EGFLAM: variants seen among roughly 807,000 people sequenced by gnomAD.
EGFLAM encodes the protein EGF like, fibronectin type III and laminin G domains, also known as pikachurin.
In EGFLAM, 79 loss-of-function variants were observed where a neutral mutation model predicts 113.1. The ratio of observed to expected loss-of-function variants is 0.70; its 90% CI spans 0.58 to 0.84. The LOEUF (loss-of-function observed/expected upper bound fraction) is 0.84, where lower values mean the gene tolerates loss of function less well. EGFLAM is among the 40% of genes least tolerant of loss of function. EGFLAM has a pLI of 0.00. For missense variants in EGFLAM, 1,265 were observed against 1,291.6 expected, an observed-to-expected ratio of 0.98 and a Z score of 0.32; for synonymous variants, 504 against 487.6, an observed-to-expected ratio of 1.03 and a Z score of -0.44.
chr5:38,423,251 G>A (rs2112179287), intron 12 of EGFLAM, among the ~76,000 whole-genome samples: 1 of 152,222 alleles, frequency 6.6e-6, no homozygotes, highest in Middle Eastern at 3.4e-3. Context: ...TTCCTTGGAT[G>A]TCTGATCCTT....
rs373441112 is a variant in EGFLAM, at chr5:38,337,640, G to A, written c.207+11G>A. ...ATCCTTGGGTACACTGTGAGTACAC[G>A]GGCATGGGAGTTTCCTCGGTGGGTG... On this transcript the variant is annotated intron_variant, in intron 2 of 21. Transcript: ENST00000322350. 179 of 1,581,848 alleles carry A rather than the reference G, an allele frequency of 1.1e-4. No homozygotes were observed. The highest frequency in any genetic ancestry group is 5.8e-4 in the Middle Eastern group (3 of 5,200).
Position 38,258,783 on chromosome 5 carries a change from G to A in EGFLAM, c.29G>A (p.Arg10Gln), listed in dbSNP as rs1218753843. Residue 10 changes from arginine (R) to glutamine (Q), a missense_variant, in exon 1 of 22, where the codon CGG (arginine) becomes CAG (glutamine). Physicochemically the swap from Arg to Gln is conservative, Grantham distance 43. Coordinates refer to ENST00000322350, the MANE Select transcript of EGFLAM (RefSeq NM_152403.4). MDLIRGVLLRLLLLASSLGP... is the reference protein window; with the variant it reads MDLIRGVLLQLLLLASSLGP... ...GATTTAATCCGAGGCGTCTTGCTCCGGCTCCTGCTCCTGGCTTCCAGCCTC... is the reference window on the plus strand; with the variant it reads ...GATTTAATCCGAGGCGTCTTGCTCCAGCTCCTGCTCCTGGCTTCCAGCCTC... The A allele has an allele frequency of 2.5e-6, 4 of 1,612,046 alleles. No individual in the cohort carries two copies. Among genetic ancestry groups the A allele is most frequent in the Non-Finnish European group, 3.4e-6 (4 of 1,179,470 alleles).
At position 38,416,344 on chromosome 5, in the gene EGFLAM, G is replaced by A. The variant is rs1270945661; in HGVS notation, c.1495-1722G>A. Among the ~76,000 whole-genome samples, 11 of 152,236 alleles carry A rather than the reference G, an allele frequency of 7.2e-5. No individual in the cohort carries two copies. In the South Asian group the frequency reaches 1.9e-3, roughly 26 times the overall value. On this transcript the variant is annotated intron_variant, in intron 11 of 21. Coordinates refer to ENST00000322350, the MANE Select transcript of EGFLAM (RefSeq NM_152403.4). ...ACAGGGAAGAAGAGGATATCAGCAAGAGTGAGATCTCAGGCCAAGTTTTTC... is the reference window on the plus strand; with the variant it reads ...ACAGGGAAGAAGAGGATATCAGCAAAAGTGAGATCTCAGGCCAAGTTTTTC...
At chr5:38,334,400 A>G (rs1739130946) in intron 1 of EGFLAM, among the ~76,000 whole-genome samples, 1 of 152,208 alleles carries the variant, frequency 6.6e-6, no homozygotes, top group Non-Finnish European at 1.5e-5. Context: ...TTTCTGGCCC[A>G]TAGACAGCTG....
intron 12 of EGFLAM, among the ~76,000 whole-genome samples, chr5:38,421,641 A>G (rs1392926519): frequency 6.6e-6 from 1 of 152,244 alleles, no homozygotes; most frequent in Admixed American, 6.5e-5. Flanking sequence ...AAATTAATAT[A>G]GTAATCACAC....
intron 17 of EGFLAM, among the ~76,000 whole-genome samples, chr5:38,440,174 C>T (rs2112231796): frequency 6.6e-6 from 1 of 152,266 alleles, no homozygotes; most frequent in African/African-American, 2.4e-5. Context: ...AACTGCAGGA[C>T]ATTGGGGACT....
intron 4 of EGFLAM, among the ~76,000 whole-genome samples, chr5:38,351,854 C>G (rs1426486802): frequency 6.6e-6 from 1 of 152,136 alleles, no homozygotes; most frequent in Non-Finnish European, 1.5e-5. Flanking sequence ...GAGAATGTGA[C>G]AGAAGGTTTT....
intron 1 of EGFLAM, among the ~76,000 whole-genome samples, chr5:38,280,375 G>T (rs1011945852): frequency 6.6e-6 from 1 of 152,196 alleles, no homozygotes; most frequent in Non-Finnish European, 1.5e-5. Context: ...GTTCTATGGG[G>T]CCTGACCTCA....
intron 6 of EGFLAM, among the ~76,000 whole-genome samples, chr5:38,404,928 T>C (rs929656754): frequency 6.6e-6 from 1 of 152,214 alleles, no homozygotes; most frequent in Non-Finnish European, 1.5e-5. Flanking sequence ...CAGTGGATTC[T>C]GCGGATGACA....
intron 1 of EGFLAM, among the ~76,000 whole-genome samples, chr5:38,304,432 T>C (rs1273434634): frequency 6.6e-6 from 1 of 152,132 alleles, no homozygotes; most frequent in Non-Finnish European, 1.5e-5. Context: ...GAGATATGGG[T>C]ACCATACTGA....
At chr5:38,439,773 T>A (rs968371266) in intron 17 of EGFLAM, among the ~76,000 whole-genome samples, 4 of 152,234 alleles carry the variant, frequency 2.6e-5, no homozygotes, top group African/African-American at 9.6e-5. Flanking sequence ...CTTACAGAGA[T>A]TTAGCTGAAG....
chr5:38,368,379 TG>T (rs1740119494), intron 5 of EGFLAM, among the ~76,000 whole-genome samples: 1 of 152,216 alleles, frequency 6.6e-6, no homozygotes, highest in African/African-American at 2.4e-5. Flanking sequence ...CCCTGTGAAC[TG>T]TGCTTTTCCA....
At chr5:38,262,992 G>GT (rs140611892) in intron 1 of EGFLAM, among the ~76,000 whole-genome samples, 3,357 of 151,504 alleles carry the variant, frequency 0.022, 115 homozygotes, top group African/African-American at 0.076. Context: ...ACTTGGTAGA[G>GT]TTTTTTTTTG....
At chr5:38,379,152 C>G (rs1740443082) in intron 6 of EGFLAM, among the ~76,000 whole-genome samples, 1 of 152,158 alleles carries the variant, frequency 6.6e-6, no homozygotes, top group African/African-American at 2.4e-5. Context: ...GAGTGAGGTC[C>G]ACCGGAATCA....
At chr5:38,265,347 G>A (rs992673815) in intron 1 of EGFLAM, among the ~76,000 whole-genome samples, 3 of 152,288 alleles carry the variant, frequency 2.0e-5, no homozygotes, top group Middle Eastern at 3.4e-3. Flanking sequence ...TGGCTACCTC[G>A]TGTTCTCCTG....
At chr5:38,440,483 T>G (rs909261509) in intron 17 of EGFLAM, among the ~76,000 whole-genome samples, 1 of 152,132 alleles carries the variant, frequency 6.6e-6, no homozygotes, top group Non-Finnish European at 1.5e-5. Context: ...GGGGAAAACA[T>G]TTAGTCCCAT....
intron 6 of EGFLAM, among the ~76,000 whole-genome samples, chr5:38,404,097 T>G (rs1741202213): frequency 6.6e-6 from 1 of 152,108 alleles, no homozygotes; most frequent in Non-Finnish European, 1.5e-5. Context: ...ACTTCTCTCG[T>G]CTGGTCTGGG....
At position 38,352,296 on chromosome 5, in the gene EGFLAM, C is replaced by A. The variant is rs571639364; in HGVS notation, c.510C>A (p.Ser170Arg). 139 of 1,614,034 alleles carry A rather than the reference C, an allele frequency of 8.6e-5. No individual in the cohort carries two copies. In the South Asian group the frequency reaches 1.4e-3, roughly 16 times the overall value. Residue 170 changes from serine (S) to arginine (R), a missense_variant, in exon 5 of 22, where the codon AGC (serine) becomes AGA (arginine). By Grantham distance (110) the Ser-to-Arg change is moderately radical. Coordinates refer to ENST00000322350, the MANE Select transcript of EGFLAM (RefSeq NM_152403.4). The stretch of plus-strand genomic sequence containing the variant: ...GGAAACCTGGAGCGAGTGAAGGAAG[C>A]GCCCCTATTCAGTACTATTCTGTGG... ...LSWKPGASEG[S>R]APIQYYSVEF...
At chr5:38,361,022 T>A (rs550622901) in intron 5 of EGFLAM, among the ~76,000 whole-genome samples, 13 of 86,798 alleles carry the variant, frequency 1.5e-4, no homozygotes, top group African/African-American at 1.4e-3. Flanking sequence ...GCCCAGCTAA[T>A]TTTTTTTTTT....
Sources: allele counts gnomAD v4.1 joint callset (sites outside exome capture counted in the v4.1 genomes callset), GRCh38; gene constraint gnomAD v4.1.1; transcripts MANE v1.5; gene names NCBI Gene and HGNC (gene_info 2026-07-23, HGNC 2026-07-21).